The following SPSB4 variants were observed in gnomAD, a reference collection of about 807,000 sequenced individuals.
The protein encoded by SPSB4 is splA/ryanodine receptor domain and SOCS box containing 4, also known as SPRY domain-containing SOCS box protein 4.
In SPSB4, 21 loss-of-function variants were observed where a neutral mutation model predicts 20.9. The ratio of observed to expected loss-of-function variants is 1.01; its 90% confidence interval spans 0.71 to 1.45. The LOEUF is 1.45. Ranked by LOEUF, SPSB4 falls within the 40% of genes most tolerant of loss-of-function variation. The probability of loss-of-function intolerance (pLI) is 0.00; values close to 1 mark genes in which losing one functional copy is unlikely to be tolerated. For synonymous variants in SPSB4, 207 were observed against 183.8 expected, an observed-to-expected ratio of 1.13 and a Z score of -1.02; for missense variants, 399 against 399.2, an observed-to-expected ratio of 1.00 and a Z score of 0.00.
intron 2 of SPSB4, among the ~76,000 whole-genome samples, chr3:141,091,181 G>T (rs1938443114): frequency 6.6e-6 from 1 of 152,212 alleles, no homozygotes; most frequent in African/African-American, 2.4e-5. Flanking sequence ...TTTTAAAATA[G>T]CCATGATGTA....
chr3:141,145,050 T>G (rs547048713), intron 2 of SPSB4, among the ~76,000 whole-genome samples: 2 of 152,032 alleles, frequency 1.3e-5, no homozygotes, highest in Non-Finnish European at 1.5e-5. Flanking sequence ...GACTGGGAGG[T>G]GAGCGATCAG....
chr3:141,125,064 T>C (rs564155060), intron 2 of SPSB4, among the ~76,000 whole-genome samples: 1 of 152,288 alleles, frequency 6.6e-6, no homozygotes, highest in East Asian at 1.9e-4. Flanking sequence ...AATTGAGGCA[T>C]GTAGTGTCAT....
chr3:141,138,057 T>C (rs1439796869), intron 2 of SPSB4, among the ~76,000 whole-genome samples: 2 of 152,242 alleles, frequency 1.3e-5, no homozygotes. Context: ...CCTGGTTTAG[T>C]CTTGGGAGAG....
intron 2 of SPSB4, among the ~76,000 whole-genome samples, chr3:141,142,803 C>A (rs1355206801): frequency 1.6e-5 from 1 of 61,994 alleles, no homozygotes; most frequent in South Asian, 9.6e-4. Flanking sequence ...CCCTCTTTGT[C>A]TTTTTTTTTT....
chr3:141,131,619 G>A (rs1424878875), intron 2 of SPSB4, among the ~76,000 whole-genome samples: 11 of 152,130 alleles, frequency 7.2e-5, no homozygotes. Context: ...CTCACTCAAA[G>A]TTATGTCGAA....
chr3:141,068,971 G>A (rs1385281788), intron 2 of SPSB4, among the ~76,000 whole-genome samples: 1 of 152,146 alleles, frequency 6.6e-6, no homozygotes, highest in African/African-American at 2.4e-5. Flanking sequence ...CAAGTTTGGT[G>A]GAACTAAAAT....
intron 2 of SPSB4, among the ~76,000 whole-genome samples, chr3:141,134,569 C>T (rs1023480813): frequency 2.4e-4 from 37 of 152,188 alleles, no homozygotes; most frequent in African/African-American, 7.7e-4. Flanking sequence ...CATCTATTGA[C>T]ATGCTTATAT....
At chr3:141,138,551 T>C (rs1412420325) in intron 2 of SPSB4, among the ~76,000 whole-genome samples, 1 of 152,226 alleles carries the variant, frequency 6.6e-6, no homozygotes, top group African/African-American at 2.4e-5. Flanking sequence ...TTCTCGTTGG[T>C]TTCAAAGAAC....
intron 2 of SPSB4, among the ~76,000 whole-genome samples, chr3:141,087,560 C>T (rs1335823301): frequency 1.3e-5 from 2 of 152,214 alleles, no homozygotes; most frequent in African/African-American, 4.8e-5. Context: ...TGCTTTACAT[C>T]CATGATCTCA....
At chr3:141,118,341 GT>G (rs1300116009) in intron 2 of SPSB4, among the ~76,000 whole-genome samples, 2 of 152,064 alleles carry the variant, frequency 1.3e-5, no homozygotes, top group Admixed American at 6.6e-5. Flanking sequence ...TGATGGGGTT[GT>G]TTTTTTCATG....
rs1285917142 is a variant in SPSB4, at chr3:141,112,601, C to T, written c.695-34541C>T. ...CGGAGCTTGCAGTGAGCCGAGATCCCGCCACTGCACTCCAGCCTGGGCGAC... is the reference window on the plus strand; with the variant it reads ...CGGAGCTTGCAGTGAGCCGAGATCCTGCCACTGCACTCCAGCCTGGGCGAC... On this transcript the variant is annotated intron_variant, in intron 2 of 2. Transcript: ENST00000310546. Among the ~76,000 whole-genome samples, 3 of 139,368 alleles carry T rather than the reference C, an allele frequency of 2.2e-5. No homozygotes were observed. The South Asian group carries it at 7.1e-4, about 33-fold the overall frequency. The allele number at this position is 139,368 out of a possible 152,430, so 91.4% of individuals were successfully genotyped here. A position where few individuals can be genotyped will look rare whatever the true frequency, so the allele number is the denominator to read the frequency against.
At chr3:141,114,626 G>A (rs982825189) in intron 2 of SPSB4, among the ~76,000 whole-genome samples, 5 of 152,296 alleles carry the variant, frequency 3.3e-5, no homozygotes, top group Non-Finnish European at 7.4e-5. Context: ...GGGCAGCTGC[G>A]CTGGTCTTAG....
At chr3:141,084,635 A>G (rs942130547) in intron 2 of SPSB4, among the ~76,000 whole-genome samples, 6 of 152,152 alleles carry the variant, frequency 3.9e-5, no homozygotes, top group African/African-American at 7.2e-5. Flanking sequence ...AAGCCATATA[A>G]AGATCTCTGG....
chr3:141,095,821 T>A lies in SPSB4; in HGVS notation c.694+29023T>A, dbSNP rs7433008. Among the ~76,000 whole-genome samples, 7 of 152,252 alleles carry A rather than the reference T, an allele frequency of 4.6e-5. No homozygotes were observed. In the East Asian group the frequency reaches 1.4e-3, roughly 29 times the overall value. On this transcript the variant is annotated intron_variant, in intron 2 of 2. Coordinates refer to ENST00000310546, the MANE Select transcript of SPSB4 (RefSeq NM_080862.3). The stretch of plus-strand genomic sequence containing the variant: ...GATGTGGCAGAGATTATTGGAGATC[T>A]TGGATCCAGACTCAATGGAGAGCCA...
chr3:141,086,853 C>A (rs1431227593), intron 2 of SPSB4, among the ~76,000 whole-genome samples: 1 of 152,172 alleles, frequency 6.6e-6, no homozygotes, highest in Non-Finnish European at 1.5e-5. Context: ...TGTTAACATT[C>A]CTCTTGGGGA....
At chr3:141,070,336 T>C (rs897298097) in intron 2 of SPSB4, among the ~76,000 whole-genome samples, 1 of 151,954 alleles carries the variant, frequency 6.6e-6, no homozygotes, top group Non-Finnish European at 1.5e-5. Flanking sequence ...TTTTTGTTTG[T>C]TCATTTGTTT....
At chr3:141,059,537 A>C (rs1247450289) in intron 1 of SPSB4, among the ~76,000 whole-genome samples, 2 of 151,910 alleles carry the variant, frequency 1.3e-5, no homozygotes, top group African/African-American at 4.8e-5. Flanking sequence ...ATGAGCAGAT[A>C]TCTCTCCAGA....
At chr3:141,138,781 T>TC (rs1461992193) in intron 2 of SPSB4, among the ~76,000 whole-genome samples, 1 of 152,210 alleles carries the variant, frequency 6.6e-6, no homozygotes, top group African/African-American at 2.4e-5. Context: ...GGAATAGGTG[T>TC]GGTGTGGTAC....
intron 2 of SPSB4, among the ~76,000 whole-genome samples, chr3:141,134,026 TTTTC>T (rs1939180978): frequency 8.5e-6 from 1 of 117,550 alleles, no homozygotes; most frequent in East Asian, 2.4e-4. Context: ...TCCTTTTTTT[TTTTC>T]TTTTCTTTTT....
Sources: gnomAD v4.1 joint callset for allele counts (sites outside exome capture counted in the v4.1 genomes callset) on GRCh38, gnomAD v4.1.1 for gene constraint, MANE v1.5 for transcripts, NCBI Gene and HGNC (gene_info 2026-07-23, HGNC 2026-07-21) for gene names.